Variants in DCC observed in about 807,000 individuals in gnomAD.
DCC encodes netrin receptor DCC.
Under a neutral mutation model 172.5 loss-of-function variants are expected in DCC, and 58 were observed. The ratio of observed to expected loss-of-function variants is 0.34; its 90% CI spans 0.27 to 0.42. The LOEUF is 0.42. DCC is among the 10% of genes least tolerant of loss of function. DCC has a pLI of 1.00. For synonymous variants in DCC, 709 were observed against 644.5 expected, an observed-to-expected ratio of 1.10 and a Z score of -1.52; for missense variants, 1,740 against 1,791.0, an observed-to-expected ratio of 0.97 and a Z score of 0.51.
At position 52,779,513 on chromosome 18, in the gene DCC, A is replaced by T. The variant is rs554083449; in HGVS notation, c.412+27139A>T. On this transcript the variant is annotated intron_variant, in intron 2 of 28. Coordinates refer to ENST00000442544, the MANE Select transcript of DCC (RefSeq NM_005215.4). ...CTTTTTTATGGCTATATAGTATTCC[A>T]TGGTATATATGTGTTGCATTTTCTT... is the stretch of plus-strand genomic sequence containing the variant. 4.6e-5 allele frequency among the ~76,000 whole-genome samples: 7 copies of T among 152,262 alleles called. No homozygotes were observed. The East Asian group carries it at 1.2e-3, about 25-fold the overall frequency.
intron 1 of DCC, among the ~76,000 whole-genome samples, chr18:52,731,576 C>T (rs929343589): frequency 1.3e-5 from 2 of 152,130 alleles, no homozygotes; most frequent in African/African-American, 4.8e-5. Flanking sequence ...TCTGCATAGA[C>T]ATAGTATATT....
At chr18:52,804,700 C>T (rs192787700) in intron 2 of DCC, among the ~76,000 whole-genome samples, 34 of 152,286 alleles carry the variant, frequency 2.2e-4, no homozygotes, top group African/African-American at 7.5e-4. Flanking sequence ...AGAATTCTCT[C>T]AGCCTCCTGA....
chr18:53,251,298 G>C (rs566301596), intron 12 of DCC, among the ~76,000 whole-genome samples: 3 of 151,966 alleles, frequency 2.0e-5, no homozygotes, highest in African/African-American at 4.8e-5. Flanking sequence ...CCATAATCTT[G>C]TTTTCCTACT....
intron 3 of DCC, among the ~76,000 whole-genome samples, chr18:52,906,801 A>G (rs890167313): frequency 2.0e-5 from 3 of 151,806 alleles, no homozygotes; most frequent in Non-Finnish European, 4.4e-5. Context: ...ATATATCTAT[A>G]GTTCAATATT....
intron 5 of DCC, among the ~76,000 whole-genome samples, chr18:52,945,142 C>A (rs1041550626): frequency 7.2e-5 from 11 of 152,126 alleles, no homozygotes; most frequent in African/African-American, 2.7e-4. Context: ...TCCAAAGTAA[C>A]CTCTAAAAAT....
At chr18:52,356,086 G>T (rs1984351147) in intron 1 of DCC, among the ~76,000 whole-genome samples, 1 of 152,178 alleles carries the variant, frequency 6.6e-6, no homozygotes, top group African/African-American at 2.4e-5. Context: ...ATAAGGCTAG[G>T]AGAAAAAGGA....
chr18:52,415,166 T>A (rs1986976826), intron 1 of DCC, among the ~76,000 whole-genome samples: 1 of 152,214 alleles, frequency 6.6e-6, no homozygotes, highest in African/African-American at 2.4e-5. Context: ...TTGTTTACCA[T>A]TTCTGTTACA....
intron 1 of DCC, among the ~76,000 whole-genome samples, chr18:52,607,450 T>G (rs1334351034): frequency 6.6e-6 from 1 of 152,134 alleles, no homozygotes; most frequent in Non-Finnish European, 1.5e-5. Context: ...CTAAAGGTAA[T>G]GAGCAAATTC....
chr18:52,788,112 T>C (rs2037692324), intron 2 of DCC, among the ~76,000 whole-genome samples: 1 of 152,192 alleles, frequency 6.6e-6, no homozygotes, highest in Non-Finnish European at 1.5e-5. Context: ...GTTTACACAT[T>C]TTTGCAAGAT....
intron 1 of DCC, among the ~76,000 whole-genome samples, chr18:52,431,948 C>A (rs1987638929): frequency 6.6e-6 from 1 of 152,170 alleles, no homozygotes; most frequent in Non-Finnish European, 1.5e-5. Flanking sequence ...ACTCTGACAC[C>A]TTTGAAACCC....
chr18:52,608,460 A>T (rs896148227), intron 1 of DCC, among the ~76,000 whole-genome samples: 1 of 152,198 alleles, frequency 6.6e-6, no homozygotes, highest in East Asian at 1.9e-4. Flanking sequence ...CTCTGAACCA[A>T]TTCCTAAAGA....
intron 12 of DCC, among the ~76,000 whole-genome samples, chr18:53,293,772 C>T (rs1228418865): frequency 1.3e-5 from 2 of 152,162 alleles, no homozygotes; most frequent in African/African-American, 4.8e-5. Flanking sequence ...AGGCTACTCT[C>T]AGCTGTTGTC....
At chr18:53,398,040 G>A (rs1909065893) in intron 18 of DCC, among the ~76,000 whole-genome samples, 1 of 152,080 alleles carries the variant, frequency 6.6e-6, no homozygotes, top group Non-Finnish European at 1.5e-5. Flanking sequence ...CATTTACTAT[G>A]GATCGTAAAT....
At chr18:52,834,140 T>G (rs893158931) in intron 2 of DCC, among the ~76,000 whole-genome samples, 4 of 152,120 alleles carry the variant, frequency 2.6e-5, no homozygotes, top group Non-Finnish European at 5.9e-5. Context: ...GCAATTGTTG[T>G]AACTGAATAT....
At chr18:52,497,304 T>TACACAC (rs1598865286) in intron 1 of DCC, among the ~76,000 whole-genome samples, 4 of 98,710 alleles carry the variant, frequency 4.1e-5, no homozygotes, top group East Asian at 2.7e-4. Context: ...TATATATATA[T>TACACAC]ATATATATAT....
chr18:53,046,102 T>C (rs1191017823), intron 5 of DCC, among the ~76,000 whole-genome samples: 1 of 151,848 alleles, frequency 6.6e-6, no homozygotes, highest in Non-Finnish European at 1.5e-5. Flanking sequence ...GGCCAAAATA[T>C]AGGAATGAAA....
intron 5 of DCC, among the ~76,000 whole-genome samples, chr18:52,987,618 T>G (rs923209908): frequency 2.6e-5 from 4 of 152,192 alleles, no homozygotes; most frequent in Non-Finnish European, 5.9e-5. Flanking sequence ...GTTACATATC[T>G]GAGGAAATGG....
chr18:52,526,873 C>G (rs1301849980), intron 1 of DCC, among the ~76,000 whole-genome samples: 3 of 152,156 alleles, frequency 2.0e-5, no homozygotes, highest in Admixed American at 1.3e-4. Flanking sequence ...GTAAAATGCT[C>G]TCTCTGTATT....
chr18:53,028,948 AT>A (rs1322985820), intron 5 of DCC, among the ~76,000 whole-genome samples: 1 of 152,170 alleles, frequency 6.6e-6, no homozygotes, highest in African/African-American at 2.4e-5. Context: ...TTCTTTTTCC[AT>A]TTGAGCTATA....
Sources: gnomAD v4.1 joint callset for allele counts (sites outside exome capture counted in the v4.1 genomes callset) on GRCh38, gnomAD v4.1.1 for gene constraint, MANE v1.5 for transcripts, NCBI Gene and HGNC (gene_info 2026-07-23, HGNC 2026-07-21) for gene names.